LANCL3: variants seen among roughly 807,000 people sequenced by gnomAD.
LANCL3 encodes lanC-like protein 3.
LANCL3 carries 19 observed loss-of-function variants against 26.5 expected under a neutral mutation model. The observed-to-expected ratio is 0.72, with a 90% CI of 0.50 to 1.05. The LOEUF (loss-of-function observed/expected upper bound fraction) is 1.05, where lower values mean the gene tolerates loss of function less well. Among genes scored for constraint, LANCL3 ranks in the 50% least tolerant of loss-of-function variants. The pLI is 0.00. For missense variants in LANCL3, 318 were observed against 362.7 expected (o/e 0.88, Z 1.00); for synonymous variants, 160 against 166.6 (o/e 0.96, Z 0.30).
At chrX:37,621,853 G>C (rs1294444050) in intron 1 of LANCL3, among the ~76,000 whole-genome samples, 2 of 111,276 alleles carry the variant, frequency 1.8e-5, no homozygotes, top group African/African-American at 6.5e-5. Context: ...TTGGCTGGTG[G>C]TATCCCTTTG....
rs1323776178 is a variant in LANCL3 at position 37,581,444 on chromosome X, A to C, written c.573+9001A>C. ...TTTTTCAAATTCCTTTAAAGGCCCA[A>C]ACAAATCACATCCCAGCAATTTTAA... On this transcript the variant is annotated intron_variant, in intron 1 of 4. Transcript: ENST00000378619. 2.7e-5 allele frequency among the ~76,000 whole-genome samples: 3 copies of C among 112,306 alleles called. No individual in the cohort carries two copies. In the East Asian group the frequency reaches 8.4e-4, roughly 32 times the overall value.
Position 37,606,130 on chromosome X carries a change from C to T in LANCL3, c.573+33687C>T, listed in dbSNP as rs868943491. ...AGCGCAGGCTTCCAAGGGTCCTCTCCCAGTGGACTCACATAGGATGCACTT... is the reference window on the plus strand; with the variant it reads ...AGCGCAGGCTTCCAAGGGTCCTCTCTCAGTGGACTCACATAGGATGCACTT... On this transcript the variant is annotated intron_variant, in intron 1 of 4. Transcript: ENST00000378619. Among the ~76,000 whole-genome samples the T allele has an allele frequency of 1.1e-3, 123 of 111,646 alleles. 2 individuals are homozygous for T. Among genetic ancestry groups the T allele is most frequent in the African/African-American group, 3.7e-3 (114 of 30,694 alleles).
At chrX:37,582,890 C>A (rs1253761042) in intron 1 of LANCL3, among the ~76,000 whole-genome samples, 1 of 111,719 alleles carries the variant, frequency 9.0e-6, no homozygotes, top group African/African-American at 3.3e-5. Context: ...AAGTCCTTGC[C>A]CATGCCTATG....
chrX:37,658,895 T>C (rs73470196), intron 2 of LANCL3, among the ~76,000 whole-genome samples: 12 of 112,718 alleles, frequency 1.1e-4, no homozygotes, highest in African/African-American at 3.9e-4. Context: ...GTCTGTTTTG[T>C]GCAGTGATCT....
In LANCL3 at chrX:37,653,914, A is replaced by G. The variant is rs1485017833; in HGVS notation, c.574-1774A>G. ...AAAGCCATGACATCATTATTTCAGC[A>G]AATAGAAAAAAAAAAAAGAGAATGT... On this transcript the variant is annotated intron_variant, in intron 1 of 4. Transcript: ENST00000378619. Among the ~76,000 whole-genome samples the G allele has an allele frequency of 9.2e-5, 10 of 109,148 alleles. No individual in the cohort carries two copies. The Admixed American group carries it at 9.7e-4, about 11-fold the overall frequency. 94.8% of individuals were successfully genotyped at this position (109,148 alleles called of 115,157 possible).
chrX:37,586,045 T>A (rs1361934813), intron 1 of LANCL3, among the ~76,000 whole-genome samples: 1 of 111,222 alleles, frequency 9.0e-6, no homozygotes, highest in Non-Finnish European at 1.9e-5. Flanking sequence ...TTATTTCTCC[T>A]TCACTTATGA....
At chrX:37,618,760 C>T (rs1348629733) in intron 1 of LANCL3, among the ~76,000 whole-genome samples, 2 of 111,728 alleles carry the variant, frequency 1.8e-5, no homozygotes, top group Non-Finnish European at 3.8e-5. Context: ...TAAAACCCAC[C>T]CTGATGACTT....
chrX:37,627,303 A>G (rs1192960053), intron 1 of LANCL3, among the ~76,000 whole-genome samples: 3 of 111,729 alleles, frequency 2.7e-5, no homozygotes, highest in Admixed American at 1.9e-4. Flanking sequence ...TTTAAATTAC[A>G]TAGTAGGATA....
In LANCL3 at chrX:37,646,090, T is replaced by G. The variant is rs1478982091; in HGVS notation, c.574-9598T>G. Among the ~76,000 whole-genome samples the G allele has an allele frequency of 5.3e-5, 6 of 112,821 alleles. No individual in the cohort carries two copies. In the Admixed American group the frequency reaches 5.6e-4, roughly 11 times the overall value. On this transcript the variant is annotated intron_variant, in intron 1 of 4. Coordinates refer to ENST00000378619, the MANE Select transcript of LANCL3 (RefSeq NM_001170331.2). ...ACGTTACTCCTTTACAGTACTACTT[T>G]TAGGATTTAAATGAATGCTGAATAT...
chrX:37,638,587 C>T (rs1178911630), intron 1 of LANCL3, among the ~76,000 whole-genome samples: 7 of 111,778 alleles, frequency 6.3e-5, no homozygotes, highest in Non-Finnish European at 1.1e-4. Context: ...TACCATATAA[C>T]AGATATGCTG....
At chrX:37,645,735 A>C (rs1266317248) in intron 1 of LANCL3, among the ~76,000 whole-genome samples, 1 of 112,165 alleles carries the variant, frequency 8.9e-6, no homozygotes, top group Non-Finnish European at 1.9e-5. Context: ...CTCTATTTTC[A>C]TAATCCTTTG....
At chrX:37,581,356 G>A (rs782725462) in intron 1 of LANCL3, among the ~76,000 whole-genome samples, 1 of 112,323 alleles carries the variant, frequency 8.9e-6, no homozygotes, top group African/African-American at 3.2e-5. Context: ...TCTATTGAAT[G>A]AATGAGCAAA....
intron 1 of LANCL3, among the ~76,000 whole-genome samples, chrX:37,574,126 C>T (rs1923683344): frequency 9.3e-6 from 1 of 107,856 alleles, no homozygotes; most frequent in South Asian, 4.2e-4. Flanking sequence ...CTGAGCAAAC[C>T]AGTTAGTTCC....
intron 1 of LANCL3, among the ~76,000 whole-genome samples, chrX:37,581,112 A>G (rs148382015): frequency 0.01 from 1,079 of 107,463 alleles, 6 homozygotes; most frequent in African/African-American, 0.034. Flanking sequence ...TGGTTTATGG[A>G]GCAAACTTGA....
intron 1 of LANCL3, among the ~76,000 whole-genome samples, chrX:37,635,386 T>TA (rs1275885305): frequency 8.9e-6 from 1 of 112,198 alleles, no homozygotes; most frequent in Non-Finnish European, 1.9e-5. Flanking sequence ...TAATGATAAA[T>TA]ATGCTGTAAC....
chrX:37,583,684 C>T (rs1250229314), intron 1 of LANCL3, among the ~76,000 whole-genome samples: 1 of 112,159 alleles, frequency 8.9e-6, no homozygotes, highest in Non-Finnish European at 1.9e-5. Context: ...TGAGACTTTG[C>T]TCAAGTTGCT....
At chrX:37,674,698 TCTG>T (rs1335524324) in intron 4 of LANCL3, among the ~76,000 whole-genome samples, 4 of 111,857 alleles carry the variant, frequency 3.6e-5, no homozygotes, top group African/African-American at 1.3e-4. Flanking sequence ...CAATCTGTTT[TCTG>T]CTAATTTATT....
At chrX:37,629,605 C>A (rs1243999250) in intron 1 of LANCL3, among the ~76,000 whole-genome samples, 27 of 104,165 alleles carry the variant, frequency 2.6e-4, no homozygotes, top group Admixed American at 8.2e-4. Flanking sequence ...GTCTTTAATC[C>A]ATCTTGAATT....
rs1185588448 is a variant in LANCL3 at position 37,679,428 on chromosome X, G to A, written c.*3615G>A. On this transcript the variant is annotated 3_prime_UTR_variant, in exon 5 of 5. Coordinates refer to ENST00000378619, the MANE Select transcript of LANCL3 (RefSeq NM_001170331.2). Reference sequence around the variant, plus strand: ...CACCAAGACTTACTACATGGGAATAGACTGATTTAGCTCAGGAGCTCCTTT... The same window carrying A: ...CACCAAGACTTACTACATGGGAATAAACTGATTTAGCTCAGGAGCTCCTTT... 3 of 111,715 alleles carry A rather than the reference G, an allele frequency of 2.7e-5. No individual in the cohort carries two copies. The highest frequency in any genetic ancestry group is 1.9e-4 in the Admixed American group (2 of 10,481). The allele number at this position is 111,715 out of a possible 1,213,427, so 9.2% of individuals were successfully genotyped here. A position where few individuals can be genotyped will look rare whatever the true frequency, so the allele number is the denominator to read the frequency against.
Sources: allele counts gnomAD v4.1 joint callset (sites outside exome capture counted in the v4.1 genomes callset), GRCh38; gene constraint gnomAD v4.1.1; transcripts MANE v1.5; gene names NCBI Gene and HGNC (gene_info 2026-07-23, HGNC 2026-07-21).